The following CACNA2D3 variants were observed in gnomAD, a reference collection of about 807,000 sequenced individuals.
The protein encoded by CACNA2D3 is voltage-dependent calcium channel subunit alpha-2/delta-3.
Under a neutral mutation model 160.6 loss-of-function variants are expected in CACNA2D3, and 60 were observed. The ratio of observed to expected loss-of-function variants is 0.37; its 90% CI spans 0.30 to 0.46. CACNA2D3 has a LOEUF of 0.46. CACNA2D3 is among the 20% of genes least tolerant of loss of function. CACNA2D3 has a pLI of 1.00. For missense variants in CACNA2D3, 1,205 were observed against 1,365.0 expected, an observed-to-expected ratio of 0.88 and a Z score of 1.85; for synonymous variants, 558 against 492.9, an observed-to-expected ratio of 1.13 and a Z score of -1.75.
intron 9 of CACNA2D3, among the ~76,000 whole-genome samples, chr3:54,594,530 A>C (rs938355169): frequency 3.3e-5 from 5 of 151,986 alleles, no homozygotes; most frequent in African/African-American, 1.2e-4. Context: ...ATATTCCTTT[A>C]CTCTTCTCAT....
At chr3:54,945,116 G>C (rs950197177) in intron 27 of CACNA2D3, among the ~76,000 whole-genome samples, 1 of 152,166 alleles carries the variant, frequency 6.6e-6, no homozygotes, top group Non-Finnish European at 1.5e-5. Flanking sequence ...GGCAGGGAAA[G>C]GAAGGTTAGG....
chr3:54,595,141 C>T (rs960086256), intron 9 of CACNA2D3, among the ~76,000 whole-genome samples: 3 of 152,106 alleles, frequency 2.0e-5, no homozygotes, highest in East Asian at 3.8e-4. Context: ...CTGTGGTGCC[C>T]ATCTTAGTAG....
intron 31 of CACNA2D3, among the ~76,000 whole-genome samples, chr3:55,000,969 AT>A (rs1423442332): frequency 6.6e-6 from 1 of 152,194 alleles, no homozygotes; most frequent in Non-Finnish European, 1.5e-5. Context: ...ATCTGGCTCT[AT>A]CACCAATGAT....
At chr3:54,175,132 A>T (rs1454814365) in intron 2 of CACNA2D3, among the ~76,000 whole-genome samples, 2 of 152,148 alleles carry the variant, frequency 1.3e-5, no homozygotes, top group African/African-American at 4.8e-5. Context: ...TTGCCATTTC[A>T]AGTGCCACCA....
At chr3:54,774,427 T>C (rs932426652) in intron 13 of CACNA2D3, among the ~76,000 whole-genome samples, 7 of 151,784 alleles carry the variant, frequency 4.6e-5, no homozygotes, top group African/African-American at 9.7e-5. Flanking sequence ...CTACACACTT[T>C]TGAGCAACCA....
At chr3:54,418,094 T>A (rs890810873) in intron 4 of CACNA2D3, among the ~76,000 whole-genome samples, 1 of 152,210 alleles carries the variant, frequency 6.6e-6, no homozygotes, top group Non-Finnish European at 1.5e-5. Context: ...AGCCAAGGGT[T>A]CTTTTGAATA....
At position 54,806,807 on chromosome 3, in the gene CACNA2D3, T is replaced by C. The variant is rs529240290; in HGVS notation, c.1381-10046T>C. Among the ~76,000 whole-genome samples the C allele has an allele frequency of 3.9e-3, 600 of 152,096 alleles. 5 individuals are homozygous for C. The highest frequency in any genetic ancestry group is 0.014 in the African/African-American group (583 of 41,452). ...CACACTACCTGACTTCAAACTATAC[T>C]ACAAGGCTACAGTAACCAAAACAGC... On this transcript the variant is annotated intron_variant, in intron 13 of 37. Coordinates refer to ENST00000474759, the MANE Select transcript of CACNA2D3 (RefSeq NM_018398.3).
chr3:54,466,281 A>G (rs1700624618), intron 4 of CACNA2D3, among the ~76,000 whole-genome samples: 1 of 152,024 alleles, frequency 6.6e-6, no homozygotes, highest in Non-Finnish European at 1.5e-5. Context: ...TTTTTTTTTG[A>G]TGTTTAATCA....
At chr3:54,460,808 C>G (rs1355610440) in intron 4 of CACNA2D3, among the ~76,000 whole-genome samples, 1 of 152,172 alleles carries the variant, frequency 6.6e-6, no homozygotes, top group African/African-American at 2.4e-5. Flanking sequence ...ACTTCCAACA[C>G]TATGTTGAAT....
At chr3:54,629,683 C>T (rs1051134505) in intron 10 of CACNA2D3, among the ~76,000 whole-genome samples, 3 of 152,202 alleles carry the variant, frequency 2.0e-5, no homozygotes, top group Non-Finnish European at 4.4e-5. Context: ...GAGGACTAGG[C>T]TGCTGGGCAG....
intron 10 of CACNA2D3, among the ~76,000 whole-genome samples, chr3:54,640,725 C>T (rs1035823037): frequency 6.6e-6 from 1 of 152,176 alleles, no homozygotes; most frequent in Non-Finnish European, 1.5e-5. Context: ...ACTTGGGCTT[C>T]TCAAGTGAAT....
chr3:54,969,135 CA>C (rs1225850707), intron 28 of CACNA2D3, among the ~76,000 whole-genome samples: 2 of 151,924 alleles, frequency 1.3e-5, no homozygotes, highest in East Asian at 3.9e-4. Context: ...AGGAGATGGA[CA>C]GGGGTTTTTT....
intron 11 of CACNA2D3, among the ~76,000 whole-genome samples, chr3:54,649,731 A>G (rs1420730489): frequency 6.6e-6 from 1 of 152,122 alleles, no homozygotes; most frequent in Non-Finnish European, 1.5e-5. Flanking sequence ...ATCTAATCCT[A>G]ATTACTTCCC....
chr3:54,661,933 G>T (rs1263074359), intron 11 of CACNA2D3, among the ~76,000 whole-genome samples: 1 of 149,628 alleles, frequency 6.7e-6, no homozygotes, highest in Non-Finnish European at 1.5e-5. Context: ...ATCCCCCCTG[G>T]ATCACCACTT....
chr3:54,297,385 G>A (rs1403843269), intron 2 of CACNA2D3, among the ~76,000 whole-genome samples: 4 of 152,148 alleles, frequency 2.6e-5, no homozygotes, highest in Admixed American at 1.3e-4. Context: ...GCCCCTGAAG[G>A]AGAGTCCTGG....
At chr3:54,774,492 C>A (rs1165240758) in intron 13 of CACNA2D3, among the ~76,000 whole-genome samples, 1 of 152,066 alleles carries the variant, frequency 6.6e-6, no homozygotes, top group Admixed American at 6.6e-5. Context: ...GACATCTGCA[C>A]CCATGATCCA....
chr3:54,348,950 ACTC>A (rs1019364523), intron 3 of CACNA2D3, among the ~76,000 whole-genome samples: 9 of 150,968 alleles, frequency 6.0e-5, no homozygotes, highest in African/African-American at 2.2e-4. Context: ...CTGGTCTTGA[ACTC>A]CTGACCTTAA....
chr3:54,910,426 A>G (rs73847220), intron 27 of CACNA2D3, among the ~76,000 whole-genome samples: 1 of 152,294 alleles, frequency 6.6e-6, no homozygotes, highest in African/African-American at 2.4e-5. Context: ...TTCCTCATGA[A>G]GGTCACCAGT....
chr3:54,779,128 C>A (rs1702483524), intron 13 of CACNA2D3, among the ~76,000 whole-genome samples: 1 of 151,924 alleles, frequency 6.6e-6, no homozygotes, highest in South Asian at 2.1e-4. Flanking sequence ...GACAGAGTCT[C>A]CTTCTGTTGC....
Sources: allele counts gnomAD v4.1 joint callset (sites outside exome capture counted in the v4.1 genomes callset), GRCh38; gene constraint gnomAD v4.1.1; transcripts MANE v1.5; gene names NCBI Gene and HGNC (gene_info 2026-07-23, HGNC 2026-07-21).